UNC13B: variants seen among roughly 807,000 people sequenced by gnomAD.
UNC13B encodes the protein protein unc-13 homolog B.
Under a neutral mutation model 211.0 loss-of-function variants are expected in UNC13B, and 144 were observed. The ratio of observed to expected loss-of-function variants is 0.68; its 90% CI spans 0.60 to 0.78. The LOEUF is 0.78. UNC13B is among the 30% of genes least tolerant of loss of function. The pLI is 0.00. For synonymous variants in UNC13B, 709 were observed against 725.8 expected (o/e 0.98, Z 0.37); for missense variants, 1,777 against 2,002.0 (o/e 0.89, Z 2.14).
intron 11 of UNC13B, among the ~76,000 whole-genome samples, chr9:35,339,518 A>G (rs901337374): frequency 2.0e-5 from 3 of 152,212 alleles, no homozygotes; most frequent in East Asian, 3.8e-4. Context: ...AGAAGGGGCC[A>G]TGCTCTTTTA....
At chr9:35,243,827 A>G (rs570158263) in intron 6 of UNC13B, among the ~76,000 whole-genome samples, 1 of 152,282 alleles carries the variant, frequency 6.6e-6, no homozygotes, top group East Asian at 1.9e-4. Flanking sequence ...AACCTGGGGC[A>G]TCAGGATTGG....
At position 35,381,234 on chromosome 9, in the gene UNC13B, G is replaced by A; in HGVS notation, c.10491+19G>A. The A allele has an allele frequency of 1.2e-6, 2 of 1,603,920 alleles. No homozygotes were observed. Among genetic ancestry groups the A allele is most frequent in the East Asian group, 4.5e-5 (2 of 44,824 alleles). ...CCATGAGGTGAGCCAGCCCTTGGTA[G>A]GTGGGGGATCAGAAAGCAGTGCTGG... On this transcript the variant is annotated intron_variant, in intron 19 of 39. Transcript: ENST00000635942.
intron 1 of UNC13B, among the ~76,000 whole-genome samples, chr9:35,172,671 A>G (rs1167382792): frequency 6.6e-6 from 1 of 152,238 alleles, no homozygotes; most frequent in Admixed American, 6.5e-5. Flanking sequence ...TTTAGTAAAA[A>G]TGAAATGTAC....
At chr9:35,277,457 G>A (rs1355761265) in intron 7 of UNC13B, among the ~76,000 whole-genome samples, 1 of 152,192 alleles carries the variant, frequency 6.6e-6, no homozygotes, top group Admixed American at 6.5e-5. Context: ...TGACATTGAA[G>A]CAGATGCCAG....
intron 16 of UNC13B, 148 bp downstream of exon 16, chr9:35,377,843 TCTC>T: frequency 1.2e-6 from 1 of 843,560 alleles, no homozygotes; most frequent in African/African-American, 1.7e-5. Context: ...ATTAATCACT[TCTC>T]CTTACCTAGA....
chr9:35,339,057 A>G (rs1831830235), intron 11 of UNC13B, among the ~76,000 whole-genome samples: 1 of 152,128 alleles, frequency 6.6e-6, no homozygotes, highest in Non-Finnish European at 1.5e-5. Flanking sequence ...ACCTTCCCAC[A>G]ACTCTGCGTG....
chr9:35,271,357 G>A (rs1488402156), intron 7 of UNC13B, among the ~76,000 whole-genome samples: 2 of 152,068 alleles, frequency 1.3e-5, no homozygotes, highest in African/African-American at 2.4e-5. Context: ...GCCAGGAGAC[G>A]CATGTGGCTT....
chr9:35,381,312 A>G (rs1834820501), intron 19 of UNC13B, 97 bp downstream of exon 19: 2 of 1,124,058 alleles, frequency 1.8e-6, no homozygotes, highest in Non-Finnish European at 1.3e-6. Flanking sequence ...TCCGAGGCCC[A>G]TTTTAAATTT....
intron 36 of UNC13B, 110 bp downstream of exon 36, chr9:35,399,839 AAG>A: frequency 9.4e-7 from 1 of 1,067,862 alleles, no homozygotes; most frequent in South Asian, 1.4e-5. Context: ...CCACATCCAG[AAG>A]AGAGTTACTA....
At chr9:35,385,905 T>TA in intron 23 of UNC13B, 92 bp downstream of exon 23, 3 of 1,510,116 alleles carry the variant, frequency 2.0e-6, no homozygotes, top group Non-Finnish European at 1.8e-6. Flanking sequence ...AGTCTGAGGC[T>TA]ACAGGATTCA....
intron 11 of UNC13B, among the ~76,000 whole-genome samples, chr9:35,335,450 G>A (rs1387747484): frequency 6.6e-6 from 1 of 152,120 alleles, no homozygotes; most frequent in Non-Finnish European, 1.5e-5. Flanking sequence ...GAAGCCAAAG[G>A]GAAAGAGGTA....
In UNC13B at chr9:35,404,175, G is replaced by T; in HGVS notation, c.*142G>T. 1.7e-6 allele frequency: 2 copies of T among 1,197,304 alleles called. No individual in the cohort carries two copies. Among genetic ancestry groups the T allele is most frequent in the Non-Finnish European group, 1.1e-6 (1 of 880,640 alleles). 74.2% of individuals were successfully genotyped at this position (1,197,304 alleles called of 1,614,324 possible). ...AAAGATATTTAAGGAAAAATTTGGGGTGGTGATAATATGGCTTTTCACAGA... is the reference window on the plus strand; with the variant it reads ...AAAGATATTTAAGGAAAAATTTGGGTTGGTGATAATATGGCTTTTCACAGA... On this transcript the variant is annotated 3_prime_UTR_variant, in exon 40 of 40. Coordinates refer to ENST00000635942, the MANE Select transcript of UNC13B (RefSeq NM_001371189.2).
At chr9:35,343,732 T>A (rs1365610759) in intron 11 of UNC13B, among the ~76,000 whole-genome samples, 1 of 152,038 alleles carries the variant, frequency 6.6e-6, no homozygotes, top group East Asian at 1.9e-4. Flanking sequence ...CCAGAGTATT[T>A]CCCACCCCAG....
intron 11 of UNC13B, among the ~76,000 whole-genome samples, chr9:35,318,696 G>C (rs767784131): frequency 4.6e-5 from 7 of 152,024 alleles, no homozygotes; most frequent in Admixed American, 2.0e-4. Context: ...TGTTCATTTG[G>C]TTGTTTCCAG....
chr9:35,270,828 T>C (rs941072133), intron 7 of UNC13B, among the ~76,000 whole-genome samples: 6 of 152,012 alleles, frequency 3.9e-5, no homozygotes, highest in African/African-American at 1.5e-4. Flanking sequence ...TTTCCAGTTG[T>C]CCTAAGACCA....
chr9:35,281,621 T>C (rs994978448), intron 7 of UNC13B, among the ~76,000 whole-genome samples: 1 of 152,192 alleles, frequency 6.6e-6, no homozygotes, highest in African/African-American at 2.4e-5. Flanking sequence ...ACAAAGTCTG[T>C]AGTTTACGTT....
chr9:35,353,512 C>T (rs867543809), intron 11 of UNC13B: 30 of 1,231,856 alleles, frequency 2.4e-5, no homozygotes, highest in Admixed American at 4.2e-5. Context: ...GTGGAGTTGG[C>T]GTCTCCACAC....
In UNC13B at chr9:35,397,196, T is replaced by C. The variant is rs1835940607; in HGVS notation, c.11562T>C (p.Phe3854=). ...AGCAGACATCAGAGCATGCACTCTTTTCCTGCTCTGTGGTGGATGTCTTCA... is the reference window on the plus strand; with the variant it reads ...AGCAGACATCAGAGCATGCACTCTTCTCCTGCTCTGTGGTGGATGTCTTCA... ...GFQQTSEHAL[F]SCSVVDVFTQ... The change falls in exon 29 of 40, where the codon TTT becomes TTC. Residue 3854 remains phenylalanine, a synonymous_variant. Transcript: ENST00000635942. The C allele has an allele frequency of 6.2e-7, 1 of 1,614,058 alleles. No individual in the cohort carries two copies. Among genetic ancestry groups the C allele is most frequent in the South Asian group, 1.1e-5 (1 of 91,080 alleles).
rs1025273495 is a variant in UNC13B, at chr9:35,299,924, T to A, written c.762-242T>A. On this transcript the variant is annotated intron_variant, in intron 8 of 39. Coordinates refer to ENST00000635942, the MANE Select transcript of UNC13B (RefSeq NM_001371189.2). ...TATTTCAGCTTTCTCTGATGTTGAC[T>A]ATGAAGAGCAAGAAGATATACATAA... Among the ~76,000 whole-genome samples the A allele has an allele frequency of 5.3e-5, 8 of 152,160 alleles. No individual in the cohort carries two copies. In the South Asian group the frequency reaches 1.2e-3, roughly 24 times the overall value.
Sources: allele counts gnomAD v4.1 joint callset (sites outside exome capture counted in the v4.1 genomes callset), GRCh38; gene constraint gnomAD v4.1.1; transcripts MANE v1.5; gene names NCBI Gene and HGNC (gene_info 2026-07-23, HGNC 2026-07-21).